The following FOXN3 variants were observed in gnomAD, a reference collection of about 807,000 sequenced individuals.
The protein encoded by FOXN3 is forkhead box protein N3.
FOXN3 carries 7 observed loss-of-function variants against 38.4 expected under a neutral mutation model. The ratio of observed to expected loss-of-function variants is 0.18; its 90% CI spans 0.10 to 0.34. The LOEUF is 0.34. Among genes scored for constraint, FOXN3 ranks in the 10% least tolerant of loss-of-function variants. The pLI, the probability that FOXN3 is intolerant of heterozygous loss-of-function variation, is 1.00. For synonymous variants in FOXN3, 230 were observed against 242.2 expected (o/e 0.95, Z 0.47); for missense variants, 456 against 613.4 (o/e 0.74, Z 2.71).
chr14:89,171,922 A>C (rs1323026943), intron 5 of FOXN3, among the ~76,000 whole-genome samples: 2 of 152,170 alleles, frequency 1.3e-5, no homozygotes, highest in East Asian at 1.9e-4. Context: ...AGGGAAAAAA[A>C]CCCCACCAGT....
intron 3 of FOXN3, among the ~76,000 whole-genome samples, chr14:89,294,219 C>T (rs905520512): frequency 6.6e-6 from 1 of 152,178 alleles, no homozygotes; most frequent in Non-Finnish European, 1.5e-5. Flanking sequence ...CACAGCAGGC[C>T]GCCCTGCCTG....
At chr14:89,357,395 T>C (rs1209109221) in intron 2 of FOXN3, among the ~76,000 whole-genome samples, 1 of 151,868 alleles carries the variant, frequency 6.6e-6, no homozygotes, top group Non-Finnish European at 1.5e-5. Context: ...TCATCTGAGG[T>C]CAGGAGTTCA....
At chr14:89,305,770 A>C (rs1887351629) in intron 3 of FOXN3, among the ~76,000 whole-genome samples, 1 of 152,250 alleles carries the variant, frequency 6.6e-6, no homozygotes, top group Admixed American at 6.5e-5. Flanking sequence ...AATGATTCTT[A>C]TTAAACGGAT....
intron 4 of FOXN3, among the ~76,000 whole-genome samples, chr14:89,218,385 A>T (rs1432153084): frequency 2.0e-5 from 3 of 152,222 alleles, no homozygotes; most frequent in Non-Finnish European, 4.4e-5. Flanking sequence ...AGGTCACCCA[A>T]TCCTATTCCC....
At chr14:89,194,854 GA>G in intron 4 of FOXN3, among the ~76,000 whole-genome samples, 1 of 152,022 alleles carries the variant, frequency 6.6e-6, no homozygotes. Context: ...CATATTCATT[GA>G]AAAACTAAGA....
chr14:89,363,428 G>A (rs1889957872), intron 2 of FOXN3, among the ~76,000 whole-genome samples: 1 of 152,218 alleles, frequency 6.6e-6, no homozygotes, highest in African/African-American at 2.4e-5. Flanking sequence ...AGAACATTCT[G>A]GAAAGAATCC....
intron 5 of FOXN3, among the ~76,000 whole-genome samples, chr14:89,177,660 T>G (rs1887559000): frequency 6.6e-6 from 1 of 151,858 alleles, no homozygotes; most frequent in South Asian, 2.1e-4. Flanking sequence ...TAGAACTGGC[T>G]CCTGCCTGTT....
At chr14:89,296,261 T>TTA (rs1218943732) in intron 3 of FOXN3, among the ~76,000 whole-genome samples, 1 of 152,224 alleles carries the variant, frequency 6.6e-6, no homozygotes, top group African/African-American at 2.4e-5. Flanking sequence ...GTGTTTATCA[T>TTA]TATCTTTGTG....
At chr14:89,614,597 C>T (rs1235474189) in intron 1 of FOXN3, among the ~76,000 whole-genome samples, 1 of 152,218 alleles carries the variant, frequency 6.6e-6, no homozygotes, top group Non-Finnish European at 1.5e-5. Flanking sequence ...GCAAGCAATT[C>T]CCCAAGGTCT....
At chr14:89,577,395 C>T (rs542281697) in intron 1 of FOXN3, 6 of 152,140 alleles carry the variant, frequency 3.9e-5, no homozygotes, top group South Asian at 2.1e-4. Flanking sequence ...TAGATACCTC[C>T]GTCTTCTGGA....
At chr14:89,270,488 C>G (rs1266735273) in intron 4 of FOXN3, among the ~76,000 whole-genome samples, 2 of 152,206 alleles carry the variant, frequency 1.3e-5, no homozygotes, top group African/African-American at 4.8e-5. Flanking sequence ...CTCACAAAAT[C>G]CCATGAAGTA....
chr14:89,463,547 CTGGG>C (rs1396190530), intron 1 of FOXN3, among the ~76,000 whole-genome samples: 2 of 152,200 alleles, frequency 1.3e-5, no homozygotes, highest in East Asian at 3.8e-4. Flanking sequence ...GCCAAGTACA[CTGGG>C]TTCCAATTAT....
intron 2 of FOXN3, among the ~76,000 whole-genome samples, chr14:89,380,468 G>A (rs1359597695): frequency 1.3e-5 from 2 of 152,358 alleles, no homozygotes; most frequent in South Asian, 4.1e-4. Flanking sequence ...CCTCAATCAT[G>A]TTAACATCAA....
chr14:89,280,660 T>C lies in FOXN3; in HGVS notation c.745+290A>G, dbSNP rs74628337. The stretch of plus-strand genomic sequence containing the variant: ...TTCTAATTACCATGTAATTCCAACA[T>C]CACCAAAGCAAGCCGAACACTTCCA... On this transcript the variant is annotated intron_variant, in intron 4 of 5. Transcript: ENST00000557258. 6.5e-4 allele frequency among the ~76,000 whole-genome samples: 99 copies of C among 152,054 alleles called. 2 individuals carry two copies. In the East Asian group the frequency reaches 0.018, roughly 28 times the overall value.
At chr14:89,551,972 T>G (rs1895013361) in intron 1 of FOXN3, among the ~76,000 whole-genome samples, 1 of 152,202 alleles carries the variant, frequency 6.6e-6, no homozygotes, top group African/African-American at 2.4e-5. Context: ...AGGAACCTAG[T>G]ACTAGTCACC....
intron 1 of FOXN3, among the ~76,000 whole-genome samples, chr14:89,554,238 G>A (rs1357297358): frequency 6.6e-6 from 1 of 152,232 alleles, no homozygotes; most frequent in Middle Eastern, 3.4e-3. Flanking sequence ...CTGACCTCGT[G>A]ATCCGCCTTC....
upstream of FOXN3, among the ~76,000 whole-genome samples, chr14:89,421,110 T>G (rs1202664529): frequency 6.6e-6 from 1 of 151,554 alleles, no homozygotes; most frequent in South Asian, 2.1e-4. Flanking sequence ...CTTTTTTGTG[T>G]GCTTCTTTCA....
At chr14:89,315,584 C>G (rs933712304) in intron 3 of FOXN3, among the ~76,000 whole-genome samples, 3 of 152,156 alleles carry the variant, frequency 2.0e-5, no homozygotes, top group Admixed American at 6.5e-5. Context: ...GTTAGAGGAA[C>G]AAAGAACAGG....
chr14:89,513,150 GAA>G (rs36003791), intron 1 of FOXN3, among the ~76,000 whole-genome samples: 4 of 102,078 alleles, frequency 3.9e-5, no homozygotes, highest in South Asian at 4.0e-4. Flanking sequence ...TCCATCTCAG[GAA>G]AAAAAAAAAA....
Sources: gnomAD v4.1 joint callset for allele counts (sites outside exome capture counted in the v4.1 genomes callset) on GRCh38, gnomAD v4.1.1 for gene constraint, MANE v1.5 for transcripts, NCBI Gene and HGNC (gene_info 2026-07-23, HGNC 2026-07-21) for gene names.